Variants in CPNE8 observed in about 807,000 individuals in gnomAD.
CPNE8 encodes the protein copine 8.
Under a neutral mutation model 81.5 loss-of-function variants are expected in CPNE8, and 45 were observed. The ratio of observed to expected loss-of-function variants is 0.55; its 90% CI spans 0.44 to 0.71. The LOEUF (loss-of-function observed/expected upper bound fraction) is 0.71, where lower values mean the gene tolerates loss of function less well. Among genes scored for constraint, CPNE8 ranks in the 30% least tolerant of loss-of-function variants. The probability of loss-of-function intolerance (pLI) is 0.00; values close to 1 mark genes in which losing one functional copy is unlikely to be tolerated. For synonymous variants in CPNE8, 252 were observed against 226.3 expected (o/e 1.11, Z -1.02); for missense variants, 594 against 672.1 (o/e 0.88, Z 1.28).
intron 6 of CPNE8, among the ~76,000 whole-genome samples, chr12:38,815,587 A>C (rs1422883601): frequency 6.6e-6 from 1 of 152,206 alleles, no homozygotes; most frequent in Non-Finnish European, 1.5e-5. Context: ...GATTTTAATA[A>C]ATTCGCTGTC....
intron 6 of CPNE8, among the ~76,000 whole-genome samples, chr12:38,789,467 A>T (rs1393017178): frequency 6.6e-6 from 1 of 151,974 alleles, no homozygotes; most frequent in Non-Finnish European, 1.5e-5. Flanking sequence ...TGGATTACTT[A>T]AACAAAAGTC....
intron 6 of CPNE8, among the ~76,000 whole-genome samples, chr12:38,779,053 C>A (rs1424375038): frequency 3.9e-5 from 6 of 152,140 alleles, no homozygotes; most frequent in Non-Finnish European, 7.4e-5. Flanking sequence ...TCTAATTCAG[C>A]TGTACCTTTC....
intron 14 of CPNE8, among the ~76,000 whole-genome samples, chr12:38,696,196 A>G (rs2136677555): frequency 6.6e-6 from 1 of 152,178 alleles, no homozygotes; most frequent in Admixed American, 6.5e-5. Context: ...CAGTCTCTTC[A>G]CATTACTGCT....
chr12:38,836,278 A>G (rs545935284), intron 5 of CPNE8, among the ~76,000 whole-genome samples: 7 of 152,196 alleles, frequency 4.6e-5, no homozygotes, highest in African/African-American at 1.4e-4. Context: ...CCTAGATTCC[A>G]TAAGTCTTTG....
At position 38,695,819 on chromosome 12, in the gene CPNE8, G is replaced by GTC. The variant is rs1463269218; in HGVS notation, c.962-1983_962-1982dup. ...CTGGGTGTGGTGGCATGTGCCTGTA[G>GTC]TCTCAGCTGCTCAGGAAGCTGAGAT... On this transcript the variant is annotated intron_variant, in intron 14 of 19. Coordinates refer to ENST00000331366, the MANE Select transcript of CPNE8 (RefSeq NM_153634.3). Among the ~76,000 whole-genome samples the GTC allele has an allele frequency of 2.6e-5, 4 of 152,150 alleles. No individual in the cohort carries two copies. In the East Asian group the frequency reaches 7.8e-4, roughly 30 times the overall value.
At chr12:38,760,455 G>A (rs67362954) in intron 10 of CPNE8, among the ~76,000 whole-genome samples, 77,376 of 107,890 alleles carry the variant, frequency 0.72, 25,546 homozygotes, top group Non-Finnish European at 0.79. Flanking sequence ...ATATATATGT[G>A]TGTGTATATA....
At chr12:38,839,378 C>A (rs1943432737) in intron 5 of CPNE8, among the ~76,000 whole-genome samples, 1 of 151,868 alleles carries the variant, frequency 6.6e-6, no homozygotes, top group East Asian at 1.9e-4. Context: ...AGGAATAGAC[C>A]AAAGGAGGGA....
chr12:38,854,506 C>A (rs780403677), intron 3 of CPNE8, among the ~76,000 whole-genome samples: 1 of 151,672 alleles, frequency 6.6e-6, no homozygotes, highest in Non-Finnish European at 1.5e-5. Flanking sequence ...TTGATGATCA[C>A]AGGTGCAAAA....
intron 6 of CPNE8, among the ~76,000 whole-genome samples, chr12:38,781,586 T>A (rs1382428767): frequency 1.3e-5 from 2 of 152,094 alleles, no homozygotes; most frequent in Non-Finnish European, 2.9e-5. Context: ...TGGGAAGATA[T>A]AGTAACCTCA....
rs115973192 is a variant in CPNE8, at chr12:38,656,315, T to A, written c.1507-2245A>T. On this transcript the variant is annotated intron_variant, in intron 19 of 19. Transcript: ENST00000331366. ...TATGGTCAGTATACATGCAGTGGTC[T>A]TTAGACTTTTTTTTTTTTTTGAAGA... is the stretch of plus-strand genomic sequence containing the variant. 5.3e-3 allele frequency among the ~76,000 whole-genome samples: 597 copies of A among 112,568 alleles called. 9 individuals are homozygous for A. The highest frequency in any genetic ancestry group is 0.013 in the African/African-American group (537 of 40,096). The allele number at this position is 112,568 out of a possible 152,430, so 73.8% of individuals were successfully genotyped here. A position where few individuals can be genotyped will look rare whatever the true frequency, so the allele number is the denominator to read the frequency against.
At chr12:38,887,253 T>C (rs1944249650) in intron 1 of CPNE8, among the ~76,000 whole-genome samples, 1 of 152,130 alleles carries the variant, frequency 6.6e-6, no homozygotes, top group Non-Finnish European at 1.5e-5. Flanking sequence ...AGACCACAGC[T>C]GAGATCATTC....
intron 14 of CPNE8, among the ~76,000 whole-genome samples, chr12:38,695,950 CACAA>C (rs891213658): frequency 3.3e-5 from 5 of 152,128 alleles, no homozygotes; most frequent in Admixed American, 1.3e-4. Flanking sequence ...CAAAAACAAA[CACAA>C]ACAAACAAAC....
At chr12:38,824,864 A>G (rs1943164673) in intron 6 of CPNE8, among the ~76,000 whole-genome samples, 1 of 152,132 alleles carries the variant, frequency 6.6e-6, no homozygotes, top group African/African-American at 2.4e-5. Flanking sequence ...CACAAACATG[A>G]TTGCAAAAAG....
At chr12:38,699,140 T>A (rs946934044) in intron 14 of CPNE8, among the ~76,000 whole-genome samples, 1 of 152,180 alleles carries the variant, frequency 6.6e-6, no homozygotes, top group Non-Finnish European at 1.5e-5. Flanking sequence ...ATTTCAACAA[T>A]GTTTTCTTCA....
intron 4 of CPNE8, among the ~76,000 whole-genome samples, chr12:38,840,452 G>T (rs1021920858): frequency 2.0e-5 from 3 of 151,964 alleles, no homozygotes; most frequent in Non-Finnish European, 2.9e-5. Flanking sequence ...TGCTACTGGG[G>T]GAACCTAGGT....
intron 6 of CPNE8, among the ~76,000 whole-genome samples, chr12:38,798,424 C>A (rs1008867406): frequency 6.6e-6 from 1 of 151,992 alleles, no homozygotes; most frequent in African/African-American, 2.4e-5. Flanking sequence ...AATTTTCAAC[C>A]CAGAATTTCA....
At chr12:38,769,935 TAAC>T (rs1941767594) in intron 7 of CPNE8, among the ~76,000 whole-genome samples, 1 of 152,214 alleles carries the variant, frequency 6.6e-6, no homozygotes, top group South Asian at 2.1e-4. Flanking sequence ...TTACTCAGGT[TAAC>T]AACTTAGCAG....
chr12:38,802,754 C>T (rs530919450), intron 6 of CPNE8, among the ~76,000 whole-genome samples: 20 of 148,362 alleles, frequency 1.3e-4, no homozygotes, highest in East Asian at 8.1e-4. Flanking sequence ...ATTGATAGAC[C>T]GCTAGCAAGA....
upstream of CPNE8, chr12:38,905,849 G>A (rs1444297666): frequency 5.8e-5 from 57 of 985,212 alleles, no homozygotes; most frequent in Non-Finnish European, 6.0e-5. Context: ...TGGCTGGAGG[G>A]GTCAGGCTTG....
Sources: allele counts gnomAD v4.1 joint callset (sites outside exome capture counted in the v4.1 genomes callset), GRCh38; gene constraint gnomAD v4.1.1; transcripts MANE v1.5; gene names NCBI Gene and HGNC (gene_info 2026-07-23, HGNC 2026-07-21).